The following TTK variants were observed in gnomAD, a reference collection of about 807,000 sequenced individuals.
TTK encodes dual specificity protein kinase TTK.
In TTK, 59 loss-of-function variants were observed where a neutral mutation model predicts 117.3. The observed-to-expected ratio is 0.50, with a 90% CI of 0.41 to 0.62. The LOEUF is 0.62. Among genes scored for constraint, TTK ranks in the 20% least tolerant of loss-of-function variants. TTK has a pLI of 0.00. For missense variants in TTK, 921 were observed against 989.4 expected (o/e 0.93, Z 0.93); for synonymous variants, 302 against 325.0 (o/e 0.93, Z 0.76).
chr6:80,031,044 CAA>C (rs56848922), intron 13 of TTK, among the ~76,000 whole-genome samples: 15 of 77,834 alleles, frequency 1.9e-4, no homozygotes, highest in Admixed American at 4.4e-4. Context: ...GATGCTGTCT[CAA>C]AAAAAAAAAA....
At chr6:80,027,831 G>A in intron 12 of TTK, 54 bp from the exon 13 acceptor site, 1 of 1,346,822 alleles carries the variant, frequency 7.4e-7, no homozygotes, top group Non-Finnish European at 1.0e-6. Flanking sequence ...AACTGAATCA[G>A]ACTTATTTGT....
At chr6:80,023,410 G>A (rs1315879415) in intron 11 of TTK, among the ~76,000 whole-genome samples, 34 of 152,158 alleles carry the variant, frequency 2.2e-4, no homozygotes, top group Admixed American at 3.3e-4. Context: ...TGGCTAACAT[G>A]GTGAAACCCT....
At chr6:80,016,204 C>T (rs887561780) in intron 10 of TTK, among the ~76,000 whole-genome samples, 1 of 152,164 alleles carries the variant, frequency 6.6e-6, no homozygotes, top group Non-Finnish European at 1.5e-5. Context: ...TTTTGATTCA[C>T]ATATGTACAA....
chr6:80,026,240 A>T, intron 11 of TTK, 138 bp from the exon 12 acceptor site: 3 of 860,238 alleles, frequency 3.5e-6, no homozygotes, highest in Non-Finnish European at 5.1e-6. Flanking sequence ...TAAAATGTAT[A>T]TATATGCCTA....
At chr6:80,012,595 A>G (rs1208555408) in intron 8 of TTK, among the ~76,000 whole-genome samples, 4 of 152,040 alleles carry the variant, frequency 2.6e-5, no homozygotes, top group African/African-American at 7.2e-5. Context: ...TGTAATATTT[A>G]TATTGGAAAA....
intron 10 of TTK, 143 bp downstream of exon 10, chr6:80,014,729 G>A: frequency 1.2e-6 from 1 of 827,972 alleles, no homozygotes; most frequent in South Asian, 3.0e-5. Context: ...CAGTTATATA[G>A]GGTATATGAA....
intron 11 of TTK, among the ~76,000 whole-genome samples, chr6:80,024,499 A>G (rs972755070): frequency 1.3e-5 from 2 of 152,240 alleles, no homozygotes; most frequent in Non-Finnish European, 2.9e-5. Flanking sequence ...AGCTCACCAC[A>G]AAAGCCCATA....
At chr6:80,017,557 G>T (rs574094543) in intron 10 of TTK, among the ~76,000 whole-genome samples, 24 of 152,330 alleles carry the variant, frequency 1.6e-4, no homozygotes, top group African/African-American at 5.8e-4. Flanking sequence ...GGGATTACAA[G>T]TGTGAGCTAT....
In TTK at chr6:80,036,562, T is replaced by C; in HGVS notation, c.2012T>C (p.Met671Thr). The C allele has an allele frequency of 1.2e-6, 2 of 1,611,632 alleles. No individual in the cohort carries two copies. Among genetic ancestry groups the C allele is most frequent in the Non-Finnish European group, 1.7e-6 (2 of 1,178,780 alleles). Reference protein sequence around the residue: ...KLIDFGIANQMQPDTTSVVKD... With the variant: ...KLIDFGIANQTQPDTTSVVKD... ...ATTGATTTTGGGATTGCAAACCAAA[T>C]GCAACCAGATACAACAAGTGTTGTT... The change falls in exon 17 of 22, where the codon ATG becomes ACG. Residue 671 changes from methionine to threonine, a missense_variant. Coordinates refer to ENST00000369798, the MANE Select transcript of TTK (RefSeq NM_003318.5).
At chr6:80,008,566 A>G (rs1767057119) in intron 4 of TTK, 74 bp downstream of exon 4, 3 of 1,332,550 alleles carry the variant, frequency 2.3e-6, no homozygotes, top group Non-Finnish European at 2.0e-6. Context: ...ATATTAAATC[A>G]TATATATGAA....
rs759362914 is a variant in TTK at position 80,035,349 on chromosome 6, T to C, written c.1856T>C (p.Ile619Thr). The C allele has an allele frequency of 3.1e-6, 5 of 1,612,596 alleles. No individual in the cohort carries two copies. The highest frequency in any genetic ancestry group is 4.2e-6 in the Non-Finnish European group (5 of 1,179,284). ...LNSWLKKKKS[I>T]DPWERKSYWK... ...AGTTGGCTTAAAAAGAAAAAATCCATTGATCCATGGGAACGCAAGAGTTAC... is the reference window on the plus strand; with the variant it reads ...AGTTGGCTTAAAAAGAAAAAATCCACTGATCCATGGGAACGCAAGAGTTAC... Residue 619 changes from isoleucine (I) to threonine (T), a missense_variant, in exon 16 of 22, where the codon ATT becomes ACT. Transcript: ENST00000369798.
chr6:80,014,662 C>A, intron 10 of TTK, 76 bp downstream of exon 10: 1 of 1,393,480 alleles, frequency 7.2e-7, no homozygotes, highest in African/African-American at 1.5e-5. Context: ...GCAGACTAGC[C>A]ACCTAAGAAT....
chr6:80,028,053 G>A (rs964512098), intron 13 of TTK, 42 bp downstream of exon 13: 8 of 1,508,090 alleles, frequency 5.3e-6, no homozygotes, highest in Non-Finnish European at 7.1e-6. Context: ...TTAAGATACA[G>A]TCCGTTTTAC....
In TTK at chr6:80,034,977, C is replaced by T. The variant is rs374142502; in HGVS notation, c.1615-8C>T. On this transcript the variant is annotated splice_polypyrimidine_tract_variant and splice_region_variant and intron_variant, in intron 14 of 21. Transcript: ENST00000369798. ...ATATTCTAAACTTCTCTTTGTTCTA[C>T]TCTGTAGGTATTTCAGGTGTTAAAT... The T allele has an allele frequency of 6.5e-7, 1 of 1,537,380 alleles. No homozygotes were observed. Among genetic ancestry groups the T allele is most frequent in the African/African-American group, 1.4e-5 (1 of 71,668 alleles).
chr6:80,014,234 C>A (rs924940361), intron 9 of TTK, among the ~76,000 whole-genome samples: 2 of 152,150 alleles, frequency 1.3e-5, no homozygotes, highest in South Asian at 2.1e-4. Context: ...TTGATTAATA[C>A]ATCCACTGAA....
At chr6:80,019,085 T>C in intron 10 of TTK, among the ~76,000 whole-genome samples, 1 of 152,210 alleles carries the variant, frequency 6.6e-6, no homozygotes, top group East Asian at 1.9e-4. Context: ...TTGCTAATAT[T>C]TCGTTTAGGA....
At chr6:80,029,262 T>C (rs1767691786) in intron 13 of TTK, among the ~76,000 whole-genome samples, 1 of 152,186 alleles carries the variant, frequency 6.6e-6, no homozygotes, top group Non-Finnish European at 1.5e-5. Context: ...CATCATCACA[T>C]ACTGAATGTA....
At chr6:80,031,582 G>T in intron 14 of TTK, 23 bp downstream of exon 14, 2 of 1,426,182 alleles carry the variant, frequency 1.4e-6, no homozygotes, top group Non-Finnish European at 1.9e-6. Flanking sequence ...AAATATTTAC[G>T]AAATAAATAA....
intron 21 of TTK, among the ~76,000 whole-genome samples, chr6:80,041,102 C>T (rs1293998222): frequency 6.6e-6 from 1 of 151,690 alleles, no homozygotes; most frequent in African/African-American, 2.4e-5. Context: ...ACACAGCAAT[C>T]AACACAATTC....
Sources: allele counts gnomAD v4.1 joint callset (sites outside exome capture counted in the v4.1 genomes callset), GRCh38; gene constraint gnomAD v4.1.1; transcripts MANE v1.5; gene names NCBI Gene and HGNC (gene_info 2026-07-23, HGNC 2026-07-21).